MYO19: variants seen among roughly 807,000 people sequenced by gnomAD.
The protein encoded by MYO19 is myosin XIX.
MYO19 carries 132 observed loss-of-function variants against 129.2 expected under a neutral mutation model. The ratio of observed to expected loss-of-function variants is 1.02; its 90% CI spans 0.89 to 1.18. The LOEUF is 1.18. Ranked by LOEUF, MYO19 falls within the 50% of genes most tolerant of loss-of-function variation. MYO19 has a pLI of 0.00. For synonymous variants in MYO19, 531 were observed against 477.2 expected (o/e 1.11, Z -1.47); for missense variants, 1,210 against 1,216.7 (o/e 0.99, Z 0.08).
upstream of MYO19, chr17:36,534,936 A>G (rs1419301308): frequency 1.3e-5 from 2 of 152,298 alleles, no homozygotes; most frequent in African/African-American, 4.8e-5. Flanking sequence ...CGGCTGCGGC[A>G]CTGCTAAGTG....
chr17:36,521,888 G>C (rs2073149635), intron 6 of MYO19, among the ~76,000 whole-genome samples: 2 of 151,950 alleles, frequency 1.3e-5, no homozygotes, highest in African/African-American at 4.8e-5. Flanking sequence ...AAAATTAGCT[G>C]GGTGTGGTGG....
upstream of MYO19, chr17:36,538,016 A>C: frequency 1.2e-6 from 2 of 1,614,106 alleles, no homozygotes; most frequent in South Asian, 2.2e-5. Flanking sequence ...ACCGCGAAGG[A>C]ATAATCTCTA....
At chr17:36,506,424 C>A in intron 18 of MYO19, 32 bp downstream of exon 18, 1 of 1,613,526 alleles carries the variant, frequency 6.2e-7, no homozygotes, top group Non-Finnish European at 8.5e-7. Context: ...GGAGTTTGAA[C>A]CAAGCACCTC....
At position 36,499,112 on chromosome 17, in the gene MYO19, G is replaced by T; in HGVS notation, c.2426C>A (p.Ala809Asp). The change falls in exon 24 of 26, where the codon GCT becomes GAT. Residue 809 changes from alanine (A) to aspartate (D), a missense_variant. Physicochemically the swap from Ala to Asp is moderately radical, Grantham distance 126. Coordinates refer to ENST00000614623, the MANE Select transcript of MYO19 (RefSeq NM_001163735.2). ...TRKHIQRLHA[A>D]ATVIKRAWQK... ...CCATGCACGCTTGATGACTGTGGCA[G>T]CTGCATGCAGCCTCTGGATGTGTTT... 6.2e-7 allele frequency: 1 copy of T among 1,610,740 alleles called. No homozygotes were observed. Among genetic ancestry groups the T allele is most frequent in the African/African-American group, 1.3e-5 (1 of 75,008 alleles).
In MYO19 at chr17:36,527,560, A is replaced by G; in HGVS notation, c.291T>C (p.Pro97=). ...PELMREYHAA[P]QPQKLKPHVF... is the part of the protein sequence containing the mutation. ...AGCGGCAGAGCCTTACCTGGGGCTG[A>G]GGCGCAGCATGGTACTCTCTCATTA... is the stretch of plus-strand genomic sequence containing the variant. Residue 97 remains proline (P), a synonymous_variant, in exon 5 of 26, where the codon CCT becomes CCC. Coordinates refer to ENST00000614623, the MANE Select transcript of MYO19 (RefSeq NM_001163735.2). The G allele has an allele frequency of 6.2e-7, 1 of 1,613,520 alleles. No homozygotes were observed. The highest frequency in any genetic ancestry group is 1.1e-5 in the South Asian group (1 of 90,992).
At position 36,498,276 on chromosome 17, in the gene MYO19, G is replaced by A. The variant is rs1202873097; in HGVS notation, c.2747C>T (p.Ala916Val). 5 of 1,611,474 alleles carry A rather than the reference G, an allele frequency of 3.1e-6. No homozygotes were observed. Among genetic ancestry groups the A allele is most frequent in the South Asian group, 1.1e-5 (1 of 91,062 alleles). The change falls in exon 25 of 26, where the codon GCG becomes GTG. Residue 916 changes from alanine (A) to valine (V), a missense_variant. Transcript: ENST00000614623. ...QDQAGVTSIR[A>V]LPQGSIKFHC... is the part of the protein sequence containing the mutation. Reference sequence around the variant, plus strand: ...TCACACACAACGTACCTGAGGCAGCGCTCGGATGGACGTGACACCAGCCTG... The same window carrying A: ...TCACACACAACGTACCTGAGGCAGCACTCGGATGGACGTGACACCAGCCTG...
intron 11 of MYO19, among the ~76,000 whole-genome samples, chr17:36,512,314 G>A (rs192011353): frequency 1.1e-4 from 17 of 151,302 alleles, no homozygotes; most frequent in Admixed American, 7.2e-4. Context: ...ACTTGAACCC[G>A]GGAAGAGGAG....
intron 6 of MYO19, among the ~76,000 whole-genome samples, chr17:36,520,281 GATTT>G (rs1483447154): frequency 6.6e-6 from 1 of 152,002 alleles, no homozygotes; most frequent in African/African-American, 2.4e-5. Context: ...TGGTCCTTAA[GATTT>G]TTTTCTTATA....
At chr17:36,537,106 C>T, upstream of MYO19, 1 of 1,583,602 alleles carries the variant, frequency 6.3e-7, no homozygotes, top group Non-Finnish European at 8.6e-7. Context: ...AGAAAAATGT[C>T]TGAAAAGCAG....
intron 14 of MYO19, 173 bp downstream of exon 14, chr17:36,508,889 G>T: frequency 1.6e-6 from 1 of 634,580 alleles, no homozygotes; most frequent in South Asian, 1.8e-5. Context: ...GGAGAGCAGA[G>T]ATCTCACCCT....
chr17:36,535,358 C>A (rs1346333507), upstream of MYO19: 2 of 152,358 alleles, frequency 1.3e-5, no homozygotes, highest in African/African-American at 4.8e-5. Context: ...ATCTGGCCTG[C>A]ACCAGCCCAA....
chr17:36,526,266 G>A (rs1363480689), intron 5 of MYO19, among the ~76,000 whole-genome samples: 1 of 152,014 alleles, frequency 6.6e-6, no homozygotes, highest in East Asian at 1.9e-4. Context: ...CCTCTACCTG[G>A]ATGAAGATGC....
chr17:36,522,111 G>A (rs1355270535), intron 6 of MYO19, among the ~76,000 whole-genome samples: 3 of 151,876 alleles, frequency 2.0e-5, no homozygotes, highest in African/African-American at 7.3e-5. Context: ...TTCTAACCTG[G>A]AATTATAAAA....
rs61584869 is a variant in MYO19, at chr17:36,506,858, G to T, written c.1644+105C>A. ...ATGGTGATTCTGGATTCTGGGAGGA[G>T]GTTCAGGAGAGAAAGGACTCACGAT... On this transcript the variant is annotated intron_variant, in intron 17 of 25. Coordinates refer to ENST00000614623, the MANE Select transcript of MYO19 (RefSeq NM_001163735.2). The T allele has an allele frequency of 8.2e-4, 1,100 of 1,343,792 alleles. 12 individuals carry two copies. The African/African-American group carries it at 0.015, about 19-fold the overall frequency. 83.2% of individuals were successfully genotyped at this position (1,343,792 alleles called of 1,614,324 possible).
chr17:36,524,064 C>T (rs1177637429), intron 6 of MYO19, among the ~76,000 whole-genome samples: 2 of 152,166 alleles, frequency 1.3e-5, no homozygotes, highest in African/African-American at 4.8e-5. Flanking sequence ...GGTTACCTAG[C>T]TCTCTGGTTG....
At chr17:36,528,497 C>T (rs1342577290) in intron 3 of MYO19, among the ~76,000 whole-genome samples, 1 of 145,646 alleles carries the variant, frequency 6.9e-6, no homozygotes, top group South Asian at 2.1e-4. Context: ...GGCGACAGAG[C>T]AAGACTCTGT....
At chr17:36,534,721 G>C (rs1386599727) in intron 1 of MYO19, 40 bp downstream of exon 1, 1 of 152,260 alleles carries the variant, frequency 6.6e-6, no homozygotes, top group Non-Finnish European at 1.5e-5. Flanking sequence ...CCCCTTCCGC[G>C]TCTGAAGGGC....
rs150755730 is a variant in MYO19, at chr17:36,525,327, A to G, written c.315T>C (p.His105=). Residue 105 remains histidine (H), a synonymous_variant, in exon 6 of 26, where the codon CAT becomes CAC. Transcript: ENST00000614623. ...AAPQPQKLKP[H]VFTVGEQTYR... ...AGGTCTGTTCACCCACAGTGAACAC[A>G]TGGGGCTTCAGTTTCTGGAACATCA... 4.1e-4 allele frequency: 655 copies of G among 1,612,758 alleles called. No individual in the cohort carries two copies. The highest frequency in any genetic ancestry group is 5.3e-4 in the Non-Finnish European group (619 of 1,178,936).
At chr17:36,542,464 C>A (rs1481044752) in intron 1 of MYO19, among the ~76,000 whole-genome samples, 1 of 152,044 alleles carries the variant, frequency 6.6e-6, no homozygotes, top group African/African-American at 2.4e-5. Context: ...CTTTGGGAGG[C>A]CGAGGCGGGC....
Sources: allele counts gnomAD v4.1 joint callset (sites outside exome capture counted in the v4.1 genomes callset), GRCh38; gene constraint gnomAD v4.1.1; transcripts MANE v1.5; gene names NCBI Gene and HGNC (gene_info 2026-07-23, HGNC 2026-07-21).